GNAI1: variants seen among roughly 807,000 people sequenced by gnomAD.
GNAI1 encodes G protein subunit alpha i1, also known as guanine nucleotide-binding protein G(i) subunit alpha-1.
A neutral mutation model predicts 38.9 loss-of-function variants in GNAI1; 11 were observed. The observed-to-expected ratio is 0.28, with a 90% CI of 0.18 to 0.47. The LOEUF is 0.47. Among genes scored for constraint, GNAI1 ranks in the 20% least tolerant of loss-of-function variants. The probability of loss-of-function intolerance (pLI) is 0.99; values close to 1 mark genes in which losing one functional copy is unlikely to be tolerated. For synonymous variants in GNAI1, 166 were observed against 145.1 expected, an observed-to-expected ratio of 1.14 and a Z score of -1.04; for missense variants, 317 against 436.9, an observed-to-expected ratio of 0.73 and a Z score of 2.45.
chr7:80,142,954 T>G (rs935073373), intron 1 of GNAI1, among the ~76,000 whole-genome samples: 1 of 152,232 alleles, frequency 6.6e-6, no homozygotes, highest in South Asian at 2.1e-4. Context: ...TTTTGCTGCT[T>G]TCTTAAAATG....
At chr7:80,153,052 ATTTT>A (rs912096157) in intron 1 of GNAI1, among the ~76,000 whole-genome samples, 3 of 152,172 alleles carry the variant, frequency 2.0e-5, no homozygotes, top group Non-Finnish European at 4.4e-5. Flanking sequence ...TTTTAGAAAG[ATTTT>A]TTTAACATCA....
intron 6 of GNAI1, among the ~76,000 whole-genome samples, chr7:80,212,005 A>G (rs1386012208): frequency 6.6e-6 from 1 of 152,064 alleles, no homozygotes; most frequent in African/African-American, 2.4e-5. Context: ...ACTTTTTCCT[A>G]TGTGTGGGTT....
intron 3 of GNAI1, among the ~76,000 whole-genome samples, chr7:80,196,840 A>G (rs1273330044): frequency 1.3e-5 from 2 of 152,010 alleles, no homozygotes; most frequent in Non-Finnish European, 2.9e-5. Flanking sequence ...ACTTGATGTT[A>G]TGAGATACAT....
At chr7:80,190,070 C>T (rs1288816971) in intron 3 of GNAI1, among the ~76,000 whole-genome samples, 3 of 151,828 alleles carry the variant, frequency 2.0e-5, no homozygotes, top group African/African-American at 7.3e-5. Flanking sequence ...AGTATACATA[C>T]TGTCTTCCTA....
chr7:80,191,161 C>G (rs1223350448), intron 3 of GNAI1, among the ~76,000 whole-genome samples: 1 of 151,954 alleles, frequency 6.6e-6, no homozygotes, highest in Admixed American at 6.6e-5. Flanking sequence ...CTCATGTCCT[C>G]CCATTGCTTC....
Position 80,212,866 on chromosome 7 carries a change from G to A in GNAI1, c.871G>A (p.Ala291Thr), listed in dbSNP as rs1334841117. The A allele has an allele frequency of 6.4e-7, 1 of 1,551,284 alleles. No individual in the cohort carries two copies. The highest frequency in any genetic ancestry group is 2.2e-5 in the Admixed American group (1 of 45,720). ...SPLTICYPEY[A>T]GSNTYEEAAA... is the part of the protein sequence containing the mutation. ...TCTCACTATATGCTATCCAGAATAT[G>A]CAGGTATTTTCCTTTTCTGGGAATA... Residue 291 changes from alanine (A) to threonine (T), a missense_variant, in exon 7 of 8, where the codon GCA becomes ACA. Coordinates refer to ENST00000649796, the MANE Select transcript of GNAI1 (RefSeq NM_002069.6).
intron 1 of GNAI1, among the ~76,000 whole-genome samples, chr7:80,146,041 C>T (rs967216764): frequency 6.6e-6 from 1 of 152,148 alleles, no homozygotes; most frequent in Non-Finnish European, 1.5e-5. Flanking sequence ...AAGGTCAGCT[C>T]AGGCATTCCC....
chr7:80,165,260 AG>A (rs1787993985), intron 1 of GNAI1, among the ~76,000 whole-genome samples: 1 of 152,172 alleles, frequency 6.6e-6, no homozygotes, highest in African/African-American at 2.4e-5. Context: ...GTGCTCCCAA[AG>A]GCTAAAAGAG....
At chr7:80,217,198 C>CTGTATCAAACTGACGTCAGTTTCATA in intron 7 of GNAI1, 105 bp from the exon 8 acceptor site, 4 of 478,782 alleles carry the variant, frequency 8.4e-6, no homozygotes, top group Non-Finnish European at 1.4e-5. Context: ...ATGAATGAAA[C>CTGTATCAAACTGACGTCAGTTTCATA]TGTATGAAAC....
chr7:80,155,311 A>G (rs903093274), intron 1 of GNAI1, among the ~76,000 whole-genome samples: 5 of 152,184 alleles, frequency 3.3e-5, no homozygotes, highest in Non-Finnish European at 7.3e-5. Context: ...TTTTTTTCTT[A>G]CATAAAAAGT....
intron 1 of GNAI1, among the ~76,000 whole-genome samples, chr7:80,138,969 C>G (rs1476452121): frequency 6.6e-6 from 1 of 152,124 alleles, no homozygotes; most frequent in African/African-American, 2.4e-5. Flanking sequence ...TTGAACTTGC[C>G]CTGTGACTTC....
chr7:80,152,558 C>CTTT (rs35141470), intron 1 of GNAI1, among the ~76,000 whole-genome samples: 53 of 102,970 alleles, frequency 5.1e-4, no homozygotes, highest in East Asian at 1.1e-3. Flanking sequence ...GGTCTCAATT[C>CTTT]TTTTTTTTTT....
intron 1 of GNAI1, among the ~76,000 whole-genome samples, chr7:80,145,371 G>A (rs1269527292): frequency 6.6e-6 from 1 of 152,094 alleles, no homozygotes; most frequent in Non-Finnish European, 1.5e-5. Context: ...AGGTAATGTG[G>A]TGTTTATTCC....
intron 3 of GNAI1, among the ~76,000 whole-genome samples, chr7:80,189,763 G>C (rs923117186): frequency 6.6e-6 from 1 of 152,126 alleles, no homozygotes; most frequent in Non-Finnish European, 1.5e-5. Flanking sequence ...AGACAAGCTA[G>C]TTTCAATTCT....
intron 5 of GNAI1, among the ~76,000 whole-genome samples, chr7:80,210,006 G>A (rs1788846015): frequency 6.6e-6 from 1 of 152,090 alleles, no homozygotes. Flanking sequence ...TGGTTTATAG[G>A]CCAGTACTGC....
chr7:80,135,187 CA>C lies in GNAI1; in HGVS notation c.29del (p.Lys10ArgfsTer9). The C allele has an allele frequency of 6.5e-7, 1 of 1,549,210 alleles. No homozygotes were observed. The highest frequency in any genetic ancestry group is 8.7e-7 in the Non-Finnish European group (1 of 1,148,892). The part of the protein sequence containing the change: MGCTLSAED[K>X]AAVERSKMID... ...TGGGCTGCACGCTGAGCGCCGAGGA[CA>C]AGGCGGCGGTGGAGCGGAGTAAGAT... On this transcript the variant is annotated frameshift_variant, in exon 1 of 8. Coordinates refer to ENST00000649796, the MANE Select transcript of GNAI1 (RefSeq NM_002069.6). LOFTEE classifies it high-confidence loss of function.
At chr7:80,148,332 A>G (rs1787663482) in intron 1 of GNAI1, among the ~76,000 whole-genome samples, 1 of 152,142 alleles carries the variant, frequency 6.6e-6, no homozygotes, top group African/African-American at 2.4e-5. Flanking sequence ...ATCTGAAATA[A>G]CTTAAACTGT....
At chr7:80,155,983 C>T (rs1181122549) in intron 1 of GNAI1, among the ~76,000 whole-genome samples, 1 of 141,070 alleles carries the variant, frequency 7.1e-6, no homozygotes, top group East Asian at 2.1e-4. Flanking sequence ...ACCCAGGTTG[C>T]AGTGAGCCGA....
rs375181853 is a variant in GNAI1, at chr7:80,212,844, C to T, written c.849C>T (p.Leu283=). ...AAGAAAAAATCAAAAAGAGCCCTCT[C>T]ACTATATGCTATCCAGAATATGCAG... ...LFEEKIKKSP[L]TICYPEYAGS... Residue 283 remains leucine (L), a synonymous_variant, in exon 7 of 8, where the codon CTC becomes CTT. Transcript: ENST00000649796. 9 of 1,579,034 alleles carry T rather than the reference C, an allele frequency of 5.7e-6. No individual in the cohort carries two copies. Among genetic ancestry groups the T allele is most frequent in the Non-Finnish European group, 7.7e-6 (9 of 1,165,324 alleles).
Sources: allele counts gnomAD v4.1 joint callset (sites outside exome capture counted in the v4.1 genomes callset), GRCh38; gene constraint gnomAD v4.1.1; transcripts MANE v1.5; gene names NCBI Gene and HGNC (gene_info 2026-07-23, HGNC 2026-07-21).